ASTN2: variants seen among roughly 807,000 people sequenced by gnomAD.
The protein encoded by ASTN2 is astrotactin-2.
Under a neutral mutation model 139.8 loss-of-function variants are expected in ASTN2, and 54 were observed. That is an observed-to-expected ratio of 0.39 (90% CI 0.31 to 0.48). ASTN2 has a LOEUF of 0.48. Ranked by LOEUF, ASTN2 falls within the 20% of genes least tolerant of loss-of-function variation. The pLI is 0.95. For missense variants in ASTN2, 1,565 were observed against 1,725.1 expected, an observed-to-expected ratio of 0.91 and a Z score of 1.64; for synonymous variants, 756 against 719.5, an observed-to-expected ratio of 1.05 and a Z score of -0.81.
chr9:117,000,371 T>C (rs1837160630), intron 7 of ASTN2, among the ~76,000 whole-genome samples: 1 of 152,220 alleles, frequency 6.6e-6, no homozygotes, highest in Non-Finnish European at 1.5e-5. Flanking sequence ...CACTACATGC[T>C]TGAATGAATG....
intron 19 of ASTN2, among the ~76,000 whole-genome samples, chr9:116,509,025 ATAATT>A (rs758003508): frequency 3.3e-5 from 5 of 152,062 alleles, no homozygotes; most frequent in African/African-American, 4.8e-5. Context: ...ATTTTTAACT[ATAATT>A]TAAGTTCTAG....
chr9:117,353,618 G>A (rs1030517211), intron 1 of ASTN2, among the ~76,000 whole-genome samples: 1 of 152,004 alleles, frequency 6.6e-6, no homozygotes, highest in Non-Finnish European at 1.5e-5. Context: ...GAAAAATGTG[G>A]CCCCAATGTT....
intron 16 of ASTN2, among the ~76,000 whole-genome samples, chr9:116,692,294 A>T (rs996933791): frequency 1.3e-5 from 2 of 152,184 alleles, no homozygotes; most frequent in Admixed American, 1.3e-4. Context: ...AATTTTTATT[A>T]TTTAGGTTTA....
intron 7 of ASTN2, among the ~76,000 whole-genome samples, chr9:116,994,621 G>T (rs1836958614): frequency 6.6e-6 from 1 of 152,116 alleles, no homozygotes; most frequent in African/African-American, 2.4e-5. Flanking sequence ...TGTGACTGAG[G>T]AGCTAAATTT....
At chr9:116,609,328 C>G (rs55873347) in intron 19 of ASTN2, among the ~76,000 whole-genome samples, 1 of 122,530 alleles carries the variant, frequency 8.2e-6, no homozygotes, top group East Asian at 2.3e-4. Context: ...CTCTCTCTCT[C>G]TATATATATA....
At chr9:117,047,799 G>T (rs1838787822) in intron 5 of ASTN2, among the ~76,000 whole-genome samples, 1 of 151,820 alleles carries the variant, frequency 6.6e-6, no homozygotes, top group South Asian at 2.1e-4. Flanking sequence ...GTATAGATTT[G>T]TTTTGCTTAA....
intron 11 of ASTN2, among the ~76,000 whole-genome samples, chr9:116,858,832 C>T (rs752677529): frequency 8.5e-5 from 13 of 152,162 alleles, no homozygotes; most frequent in African/African-American, 1.9e-4. Context: ...TCACCCTCCT[C>T]ATATGATCTT....
intron 4 of ASTN2, among the ~76,000 whole-genome samples, chr9:117,128,419 A>C (rs1829753369): frequency 6.7e-6 from 1 of 149,710 alleles, no homozygotes; most frequent in African/African-American, 2.5e-5. Context: ...GGTCTTAAAA[A>C]TACTTCAAAC....
intron 5 of ASTN2, among the ~76,000 whole-genome samples, chr9:117,058,282 A>G (rs1323485487): frequency 2.6e-5 from 4 of 152,194 alleles, no homozygotes; most frequent in African/African-American, 9.7e-5. Flanking sequence ...TAAGGCAGGA[A>G]AATAAAATCC....
chr9:117,057,815 T>C (rs1488040472), intron 5 of ASTN2, among the ~76,000 whole-genome samples: 1 of 152,158 alleles, frequency 6.6e-6, no homozygotes, highest in Admixed American at 6.5e-5. Context: ...ATTCCCAAAT[T>C]TATCAGTCTC....
At chr9:116,869,713 C>G (rs549296753) in intron 10 of ASTN2, among the ~76,000 whole-genome samples, 1 of 152,246 alleles carries the variant, frequency 6.6e-6, no homozygotes, top group African/African-American at 2.4e-5. Context: ...GCTTTGCAGG[C>G]CATACAGTCT....
intron 2 of ASTN2, among the ~76,000 whole-genome samples, chr9:117,270,083 C>T (rs930298207): frequency 1.2e-4 from 18 of 152,144 alleles, no homozygotes; most frequent in African/African-American, 3.9e-4. Flanking sequence ...ACCTTTTATC[C>T]TCAGTGTCAC....
At chr9:117,145,088 C>T (rs1830165177) in intron 3 of ASTN2, among the ~76,000 whole-genome samples, 3 of 152,022 alleles carry the variant, frequency 2.0e-5, no homozygotes, top group Admixed American at 2.0e-4. Context: ...TATTTTATCA[C>T]CCAGGTAATA....
chr9:116,645,736 C>T (rs1250837502), intron 17 of ASTN2, among the ~76,000 whole-genome samples: 1 of 152,152 alleles, frequency 6.6e-6, no homozygotes, highest in African/African-American at 2.4e-5. Context: ...ATACAAGTTC[C>T]AGCAATGTTT....
intron 16 of ASTN2, among the ~76,000 whole-genome samples, chr9:116,721,765 C>T (rs1000093906): frequency 1.3e-5 from 2 of 152,156 alleles, no homozygotes; most frequent in East Asian, 1.9e-4. Context: ...TCAGAATTCC[C>T]ACCTGGTGAT....
chr9:116,844,635 C>T (rs963276197), intron 11 of ASTN2, among the ~76,000 whole-genome samples: 7 of 151,660 alleles, frequency 4.6e-5, no homozygotes, highest in Non-Finnish European at 8.8e-5. Context: ...CATTTAATGT[C>T]CCTAACATAG....
chr9:116,988,033 C>G (rs536364315), intron 7 of ASTN2, among the ~76,000 whole-genome samples: 76 of 152,302 alleles, frequency 5.0e-4, no homozygotes, highest in Middle Eastern at 6.8e-3. Context: ...TTGTTTACTT[C>G]TGGTATTTTC....
intron 1 of ASTN2, among the ~76,000 whole-genome samples, chr9:117,394,413 T>C (rs1418396819): frequency 6.6e-6 from 1 of 152,200 alleles, no homozygotes; most frequent in Non-Finnish European, 1.5e-5. Context: ...TAGCCACATA[T>C]GGCTAGTGGC....
At chr9:116,858,808 T>C (rs943197638) in intron 11 of ASTN2, among the ~76,000 whole-genome samples, 1 of 152,220 alleles carries the variant, frequency 6.6e-6, no homozygotes, top group Non-Finnish European at 1.5e-5. Flanking sequence ...ATTATTTATA[T>C]ATTATTTACT....
Sources: gnomAD v4.1 joint callset for allele counts (sites outside exome capture counted in the v4.1 genomes callset) on GRCh38, gnomAD v4.1.1 for gene constraint, MANE v1.5 for transcripts, NCBI Gene and HGNC (gene_info 2026-07-23, HGNC 2026-07-21) for gene names.